Variants in PRKCE observed in about 807,000 individuals in gnomAD.
The protein encoded by PRKCE is protein kinase C epsilon type.
A neutral mutation model predicts 85.4 loss-of-function variants in PRKCE; 16 were observed. That is an observed-to-expected ratio of 0.19 (90% CI 0.13 to 0.28). The LOEUF is 0.28. Ranked by LOEUF, PRKCE falls within the 10% of genes least tolerant of loss-of-function variation. The pLI is 1.00. For missense variants in PRKCE, 573 were observed against 975.2 expected (o/e 0.59, Z 5.49); for synonymous variants, 388 against 371.5 (o/e 1.04, Z -0.51).
intron 2 of PRKCE, among the ~76,000 whole-genome samples, chr2:45,864,699 C>T (rs1415777260): frequency 6.6e-6 from 1 of 152,194 alleles, no homozygotes; most frequent in Middle Eastern, 3.2e-3. Flanking sequence ...CCCAACCATT[C>T]CTATGGATTA....
At chr2:45,713,229 G>C (rs1045883368) in intron 1 of PRKCE, among the ~76,000 whole-genome samples, 3 of 152,182 alleles carry the variant, frequency 2.0e-5, no homozygotes, top group African/African-American at 7.2e-5. Flanking sequence ...TACAGAGGCT[G>C]TCATTGTTTT....
chr2:45,702,257 C>G (rs1678710276), intron 1 of PRKCE, among the ~76,000 whole-genome samples: 1 of 152,146 alleles, frequency 6.6e-6, no homozygotes, highest in Admixed American at 6.5e-5. Context: ...GTCCTCCGCT[C>G]AGATACAGAT....
chr2:45,668,432 G>A (rs1406261390), intron 1 of PRKCE, among the ~76,000 whole-genome samples: 1 of 152,122 alleles, frequency 6.6e-6, no homozygotes, highest in African/African-American at 2.4e-5. Flanking sequence ...AGATATTGTC[G>A]AAGAATCCAT....
intron 10 of PRKCE, among the ~76,000 whole-genome samples, chr2:46,034,587 C>T (rs537665337): frequency 6.6e-6 from 1 of 152,318 alleles, no homozygotes; most frequent in South Asian, 2.1e-4. Flanking sequence ...CATCTAAGGA[C>T]ACCACAGTAA....
rs116899552 is a variant in PRKCE at position 46,021,514 on chromosome 2, C to A, written c.1437+10997C>A. Among the ~76,000 whole-genome samples the A allele has an allele frequency of 1.4e-3, 214 of 152,268 alleles. 4 individuals carry two copies. The East Asian group carries it at 0.033, about 24-fold the overall frequency. On this transcript the variant is annotated intron_variant, in intron 10 of 14. Coordinates refer to ENST00000306156, the MANE Select transcript of PRKCE (RefSeq NM_005400.3). Reference sequence around the variant, plus strand: ...TCCCCTTTGCATCTGCAAAGGCCTCCTGCTTGTGAAGAAAGCATAGTCCTC... The same window carrying A: ...TCCCCTTTGCATCTGCAAAGGCCTCATGCTTGTGAAGAAAGCATAGTCCTC...
chr2:45,668,283 G>C (rs1404806786), intron 1 of PRKCE, among the ~76,000 whole-genome samples: 1 of 152,210 alleles, frequency 6.6e-6, no homozygotes, highest in Non-Finnish European at 1.5e-5. Context: ...GGAAGCTGCA[G>C]TGACTGAGAT....
intron 2 of PRKCE, among the ~76,000 whole-genome samples, chr2:45,950,896 T>A (rs151082269): frequency 1.1e-4 from 17 of 152,270 alleles, no homozygotes; most frequent in Non-Finnish European, 2.2e-4. Flanking sequence ...TCTAATTAAG[T>A]CCTGGAACTA....
At chr2:45,748,799 C>T (rs1168284507) in intron 1 of PRKCE, among the ~76,000 whole-genome samples, 3 of 152,122 alleles carry the variant, frequency 2.0e-5, no homozygotes, top group Admixed American at 6.5e-5. Context: ...GGCGAATGCA[C>T]CTGAGAGCAA....
chr2:46,107,948 C>T (rs559657293), intron 11 of PRKCE, among the ~76,000 whole-genome samples: 1 of 152,128 alleles, frequency 6.6e-6, no homozygotes, highest in South Asian at 2.1e-4. Context: ...TTGTTTTCTT[C>T]TAAGACAGGG....
rs1285803230 is a variant in PRKCE, at chr2:46,138,049, C to T, written c.1593-7044C>T. Among the ~76,000 whole-genome samples the T allele has an allele frequency of 1.3e-5, 2 of 152,272 alleles. No individual in the cohort carries two copies. The highest frequency in any genetic ancestry group is 3.9e-4 in the East Asian group (2 of 5,184). ...TCCCCTGAGACTATTACTGCTAGGACTTATTTCTTTCCTGCTCAGATAGGT... is the reference window on the plus strand; with the variant it reads ...TCCCCTGAGACTATTACTGCTAGGATTTATTTCTTTCCTGCTCAGATAGGT... On this transcript the variant is annotated intron_variant, in intron 11 of 14. Coordinates refer to ENST00000306156, the MANE Select transcript of PRKCE (RefSeq NM_005400.3). This position sits in a 1 kb window ranked among gnomAD's most constrained non-coding sequence, Gnocchi z 4.2.
intron 10 of PRKCE, among the ~76,000 whole-genome samples, chr2:46,056,162 C>G (rs2105092300): frequency 6.6e-6 from 1 of 152,114 alleles, no homozygotes. Flanking sequence ...GCTCCATCAG[C>G]TGTTCACTGT....
intron 1 of PRKCE, among the ~76,000 whole-genome samples, chr2:45,705,230 G>A (rs530266160): frequency 1.3e-4 from 20 of 152,122 alleles, no homozygotes; most frequent in Non-Finnish European, 2.4e-4. Context: ...CAGCGCTAGG[G>A]GCCTGAACTA....
chr2:46,022,001 C>A (rs1254154770), intron 10 of PRKCE, among the ~76,000 whole-genome samples: 3 of 151,966 alleles, frequency 2.0e-5, no homozygotes, highest in Non-Finnish European at 4.4e-5. Flanking sequence ...AACTTTTTGT[C>A]CTAGTGGTCT....
At chr2:46,044,774 T>A (rs922722381) in intron 10 of PRKCE, among the ~76,000 whole-genome samples, 1 of 152,150 alleles carries the variant, frequency 6.6e-6, no homozygotes, top group African/African-American at 2.4e-5. Context: ...GTGCACTGAG[T>A]TCCTCTTAGC....
chr2:46,025,105 T>C lies in PRKCE; in HGVS notation c.1437+14588T>C, dbSNP rs368687746. Among the ~76,000 whole-genome samples, 57 of 152,352 alleles carry C rather than the reference T, an allele frequency of 3.7e-4. No individual in the cohort carries two copies. The South Asian group carries it at 0.011, about 30-fold the overall frequency. The stretch of plus-strand genomic sequence containing the variant: ...AAAAAACAAATGTAGGTGTGATTGT[T>C]GACCTTGCAAAAGCTAACTCCTATT... On this transcript the variant is annotated intron_variant, in intron 10 of 14. Transcript: ENST00000306156.
At chr2:46,039,323 G>C (rs894081375) in intron 10 of PRKCE, among the ~76,000 whole-genome samples, 7 of 152,134 alleles carry the variant, frequency 4.6e-5, no homozygotes, top group African/African-American at 1.2e-4. Context: ...CCTCCAGTGA[G>C]AGCATTCGTT....
chr2:45,738,676 A>G (rs1017588151), intron 1 of PRKCE, among the ~76,000 whole-genome samples: 4 of 152,194 alleles, frequency 2.6e-5, no homozygotes, highest in African/African-American at 4.8e-5. Context: ...GTGAGTTTCT[A>G]TGAGGGCCTA....
At chr2:45,892,544 G>A (rs1422275033) in intron 2 of PRKCE, among the ~76,000 whole-genome samples, 4 of 152,092 alleles carry the variant, frequency 2.6e-5, no homozygotes, top group Non-Finnish European at 5.9e-5. Flanking sequence ...AGTGCCTTTG[G>A]AAAGGCAGTG....
Position 45,652,696 on chromosome 2 carries a change from C to T in PRKCE, c.348+248C>T, listed in dbSNP as rs1232610442. On this transcript the variant is annotated intron_variant, in intron 1 of 14. Coordinates refer to ENST00000306156, the MANE Select transcript of PRKCE (RefSeq NM_005400.3). The surrounding 1 kb of genome is among the most constrained non-coding windows in gnomAD (Gnocchi z 7.7). Reference sequence around the variant, plus strand: ...CTCTGTGCCCTCCAGTTGGTGGGTGCTGCGGGAGGTTTGCAAACTGGGAGA... The same window carrying T: ...CTCTGTGCCCTCCAGTTGGTGGGTGTTGCGGGAGGTTTGCAAACTGGGAGA... Among the ~76,000 whole-genome samples the T allele has an allele frequency of 1.3e-5, 2 of 152,196 alleles. No individual in the cohort carries two copies. The highest frequency in any genetic ancestry group is 4.8e-5 in the African/African-American group (2 of 41,454).
Sources: gnomAD v4.1 joint callset for allele counts (sites outside exome capture counted in the v4.1 genomes callset) on GRCh38, gnomAD v4.1.1 for gene constraint, Gnocchi (gnomAD v3.1) non-coding constraint, MANE v1.5 for transcripts, NCBI Gene and HGNC (gene_info 2026-07-23, HGNC 2026-07-21) for gene names.